FILIP1: variants seen among roughly 807,000 people sequenced by gnomAD.
FILIP1 encodes filamin-A-interacting protein 1.
In FILIP1, 61 loss-of-function variants were observed where a neutral mutation model predicts 102.1. That is an observed-to-expected ratio of 0.60 (90% CI 0.49 to 0.74). FILIP1 has a LOEUF of 0.74. Ranked by LOEUF, FILIP1 falls within the 30% of genes least tolerant of loss-of-function variation. FILIP1 has a pLI of 0.00. For synonymous variants in FILIP1, 491 were observed against 526.9 expected (o/e 0.93, Z 0.93); for missense variants, 1,314 against 1,441.2 (o/e 0.91, Z 1.43).
intron 1 of FILIP1, among the ~76,000 whole-genome samples, chr6:75,466,219 T>G (rs1779162740): frequency 6.6e-6 from 1 of 152,230 alleles, no homozygotes; most frequent in African/African-American, 2.4e-5. Context: ...TTTTTCATAG[T>G]ATTTATCACC....
intron 4 of FILIP1, among the ~76,000 whole-genome samples, chr6:75,335,517 C>T (rs994477925): frequency 6.6e-6 from 1 of 151,882 alleles, no homozygotes; most frequent in Non-Finnish European, 1.5e-5. Flanking sequence ...TCCCTCCCTC[C>T]TTCCCTTCAT....
At chr6:75,317,999 G>A (rs967249508) in intron 4 of FILIP1, among the ~76,000 whole-genome samples, 2 of 152,152 alleles carry the variant, frequency 1.3e-5, no homozygotes, top group Non-Finnish European at 2.9e-5. Context: ...TCCTTGATAA[G>A]TTCATGTCCA....
intron 2 of FILIP1, among the ~76,000 whole-genome samples, chr6:75,380,338 A>T (rs2149639933): frequency 7.3e-6 from 1 of 137,528 alleles, no homozygotes; most frequent in Admixed American, 7.3e-5. Flanking sequence ...AAAGGTATAA[A>T]TAGACAGTTC....
intron 1 of FILIP1, among the ~76,000 whole-genome samples, chr6:75,442,597 T>C (rs1273935612): frequency 6.6e-6 from 1 of 152,088 alleles, no homozygotes; most frequent in African/African-American, 2.4e-5. Flanking sequence ...ACCAAAAAAA[T>C]ACGAAAACCA....
intron 1 of FILIP1, among the ~76,000 whole-genome samples, chr6:75,473,146 CT>C (rs1779377840): frequency 6.6e-6 from 1 of 152,094 alleles, no homozygotes. Context: ...TCATATGTTG[CT>C]TTTTGACTTT....
At chr6:75,462,294 T>C (rs1779044994) in intron 1 of FILIP1, among the ~76,000 whole-genome samples, 1 of 152,082 alleles carries the variant, frequency 6.6e-6, no homozygotes, top group South Asian at 2.1e-4. Context: ...CCAGCTATAG[T>C]GCTGAAATGA....
At chr6:75,401,064 A>G (rs1161535348) in intron 2 of FILIP1, among the ~76,000 whole-genome samples, 1 of 151,942 alleles carries the variant, frequency 6.6e-6, no homozygotes, top group African/African-American at 2.4e-5. Flanking sequence ...CACCCCTACT[A>G]TTTCCTTAGA....
At chr6:75,335,350 A>C (rs1582362313) in intron 4 of FILIP1, among the ~76,000 whole-genome samples, 1 of 152,238 alleles carries the variant, frequency 6.6e-6, no homozygotes. Context: ...CTGCAAAAAC[A>C]AAAGTAGGTG....
chr6:75,404,908 T>C (rs1276384529), intron 2 of FILIP1, among the ~76,000 whole-genome samples: 1 of 152,346 alleles, frequency 6.6e-6, no homozygotes, highest in East Asian at 1.9e-4. Context: ...TTGACTCTGC[T>C]TTTTTCTTGT....
chr6:75,349,649 C>T (rs1774719271), intron 4 of FILIP1, among the ~76,000 whole-genome samples: 1 of 152,200 alleles, frequency 6.6e-6, no homozygotes, highest in African/African-American at 2.4e-5. Flanking sequence ...GACACGAGGA[C>T]TCCCACTTGT....
intron 5 of FILIP1, among the ~76,000 whole-genome samples, chr6:75,311,292 T>C (rs2149544436): frequency 6.7e-6 from 1 of 150,022 alleles, no homozygotes; most frequent in South Asian, 2.1e-4. Context: ...AGGTGATTCC[T>C]GTGCCTCAGC....
intron 1 of FILIP1, among the ~76,000 whole-genome samples, chr6:75,464,971 C>A (rs1200195116): frequency 6.6e-6 from 1 of 152,122 alleles, no homozygotes; most frequent in Non-Finnish European, 1.5e-5. Context: ...ACTATTGCTA[C>A]CACCCTGGAC....
intron 3 of FILIP1, 51 bp downstream of exon 3, chr6:75,362,693 A>G: frequency 6.4e-7 from 1 of 1,559,564 alleles, no homozygotes; most frequent in Non-Finnish European, 8.7e-7. Context: ...GAATGTGAAG[A>G]TATCTCCCTG....
In FILIP1 at chr6:75,493,734, T is replaced by G. The variant is rs1180477447; in HGVS notation, c.-327A>C. ...TTTTTCTACTGTTGCTAGGTGTTGT[T>G]GGGTTCGGAGATTAGGTTTCTCCTC... is the stretch of plus-strand genomic sequence containing the variant. On this transcript the variant is annotated 5_prime_UTR_variant, in exon 1 of 6. Transcript: ENST00000237172. 1.3e-5 allele frequency: 2 copies of G among 152,190 alleles called. No homozygotes were observed. Among genetic ancestry groups the G allele is most frequent in the Non-Finnish European group, 2.9e-5 (2 of 68,044 alleles). 9.4% of individuals were successfully genotyped at this position (152,190 alleles called of 1,614,324 possible).
intron 1 of FILIP1, among the ~76,000 whole-genome samples, chr6:75,493,186 C>T (rs1246273163): frequency 6.6e-6 from 1 of 152,080 alleles, no homozygotes; most frequent in Admixed American, 6.5e-5. Context: ...TACTAAAACA[C>T]CATAAAATTA....
At position 75,451,336 on chromosome 6, in the gene FILIP1, A is replaced by C. The variant is rs141803397; in HGVS notation, c.-6-36358T>G. 6.4e-3 allele frequency among the ~76,000 whole-genome samples: 970 copies of C among 150,484 alleles called. 12 individuals carry two copies. The highest frequency in any genetic ancestry group is 0.023 in the African/African-American group (936 of 41,236). The stretch of plus-strand genomic sequence containing the variant: ...TATAATAATCAAAATATCAGTAATT[A>C]TAGTAGAAACAACTTATAAATCAAT... On this transcript the variant is annotated intron_variant, in intron 1 of 5. Coordinates refer to ENST00000237172, the MANE Select transcript of FILIP1 (RefSeq NM_015687.5).
intron 4 of FILIP1, among the ~76,000 whole-genome samples, chr6:75,329,000 C>T (rs1233419003): frequency 6.6e-6 from 1 of 152,160 alleles, no homozygotes; most frequent in African/African-American, 2.4e-5. Context: ...TTATTGGAAT[C>T]CATTTGATAC....
rs1325645378 is a variant in FILIP1 at position 75,314,587 on chromosome 6, T to C, written c.1245A>G (p.Glu415=). 1 of 1,614,002 alleles carries C rather than the reference T, an allele frequency of 6.2e-7. No individual in the cohort carries two copies. Among genetic ancestry groups the C allele is most frequent in the Admixed American group, 1.7e-5 (1 of 60,004 alleles). Residue 415 remains glutamate, a synonymous_variant, in exon 5 of 6, where the codon GAA becomes GAG. Coordinates refer to ENST00000237172, the MANE Select transcript of FILIP1 (RefSeq NM_015687.5). ...RELRKKLQEE[E]HHSKELRLEV... The stretch of plus-strand genomic sequence containing the variant: ...CAAGTCTGAGCTCCTTACTATGGTG[T>C]TCTTCCTCTTGCAGCTTCTTCCTCA...
intron 2 of FILIP1, among the ~76,000 whole-genome samples, chr6:75,389,442 G>T (rs2149654469): frequency 6.6e-6 from 1 of 152,266 alleles, no homozygotes; most frequent in African/African-American, 2.4e-5. Flanking sequence ...GTTTCAGAAG[G>T]AATGGTACCA....
Sources: gnomAD v4.1 joint callset for allele counts (sites outside exome capture counted in the v4.1 genomes callset) on GRCh38, gnomAD v4.1.1 for gene constraint, MANE v1.5 for transcripts, NCBI Gene and HGNC (gene_info 2026-07-23, HGNC 2026-07-21) for gene names.